DOCK1: variants seen among roughly 807,000 people sequenced by gnomAD.
DOCK1 encodes dedicator of cytokinesis protein 1.
In DOCK1, 138 loss-of-function variants were observed where a neutral mutation model predicts 262.7. The observed-to-expected ratio is 0.53, with a 90% CI of 0.46 to 0.61. The LOEUF (loss-of-function observed/expected upper bound fraction) is 0.61, where lower values mean the gene tolerates loss of function less well. Among genes scored for constraint, DOCK1 ranks in the 20% least tolerant of loss-of-function variants. The probability of loss-of-function intolerance (pLI) is 0.00; values close to 1 mark genes in which losing one functional copy is unlikely to be tolerated. For synonymous variants in DOCK1, 866 were observed against 867.4 expected (o/e 1.00, Z 0.03); for missense variants, 1,908 against 2,370.7 (o/e 0.80, Z 4.05).
rs551916740 is a variant in DOCK1, at chr10:127,451,607, G to A, written c.*180G>A. On this transcript the variant is annotated 3_prime_UTR_variant, in exon 52 of 52. Transcript: ENST00000623213. ...GGAGTGAGTGGCCTTTAGCGTCATG[G>A]AGCAAGGTGGGTCTGGGAGGTAGAT... 2 of 1,420,230 alleles carry A rather than the reference G, an allele frequency of 1.4e-6. No homozygotes were observed. Among genetic ancestry groups the A allele is most frequent in the South Asian group, 2.9e-5 (2 of 69,926 alleles). 88.0% of individuals were successfully genotyped at this position (1,420,230 alleles called of 1,614,324 possible).
chr10:127,267,702 C>G (rs1441067915), intron 29 of DOCK1, among the ~76,000 whole-genome samples: 1 of 152,204 alleles, frequency 6.6e-6, no homozygotes, highest in Non-Finnish European at 1.5e-5. Context: ...CTTCATGTTA[C>G]GAGGACCGAA....
At chr10:127,151,032 T>C (rs200010748) in intron 27 of DOCK1, among the ~76,000 whole-genome samples, 2 of 152,192 alleles carry the variant, frequency 1.3e-5, no homozygotes, top group Non-Finnish European at 2.9e-5. Context: ...TACGTGTCAA[T>C]TTTTTATGAT....
Position 127,439,183 on chromosome 10 carries a change from C to A in DOCK1, c.5217C>A (p.Asp1739Glu). 6.2e-7 allele frequency: 1 copy of A among 1,611,828 alleles called. No homozygotes were observed. Residue 1739 changes from aspartate to glutamate, a missense_variant, in exon 49 of 52, where the codon GAC (aspartate) becomes GAA (glutamate). This residue lies in a region of DOCK1 where 383 missense variants were observed against 420.1 expected (regional missense o/e 0.91). Transcript: ENST00000623213. ...EIFEKEFKPT[D>E]ISLQQSEAVI... is the part of the protein sequence containing the mutation. Reference sequence around the variant, plus strand: ...TTGAGAAAGAATTTAAACCCACCGACATTTCCCTGCAGCAGTCTGAGGCTG... The same window carrying A: ...TTGAGAAAGAATTTAAACCCACCGAAATTTCCCTGCAGCAGTCTGAGGCTG...
Position 127,430,313 on chromosome 10 carries a change from AC to A in DOCK1, c.4915-2967del, listed in dbSNP as rs373655314. ...AGTTCTCTTAACTGGGATCCATGAGACCCTGGGGTTCCTCAGAGGCTGTTGG... is the reference window on the plus strand; with the variant it reads ...AGTTCTCTTAACTGGGATCCATGAGACCTGGGGTTCCTCAGAGGCTGTTGG... On this transcript the variant is annotated intron_variant, in intron 47 of 51. Coordinates refer to ENST00000623213, the MANE Select transcript of DOCK1 (RefSeq NM_001290223.2). Among the ~76,000 whole-genome samples, 949 of 152,056 alleles carry A rather than the reference AC, an allele frequency of 6.2e-3. 9 individuals carry two copies. Among genetic ancestry groups the A allele is most frequent in the African/African-American group, 0.021 (883 of 41,462 alleles).
Position 127,444,178 on chromosome 10 carries a change from G to A in DOCK1, c.5312G>A (p.Gly1771Glu), listed in dbSNP as rs1457947484. 44 of 1,599,214 alleles carry A rather than the reference G, an allele frequency of 2.8e-5. No individual in the cohort carries two copies. Among genetic ancestry groups the A allele is most frequent in the Non-Finnish European group, 3.5e-5 (41 of 1,173,890 alleles). The change falls in exon 50 of 52, where the codon GGA (glycine) becomes GAA (glutamate). Residue 1771 changes from glycine (G) to glutamate (E), a missense_variant. Around this residue, in one of 9 missense-constraint regions of DOCK1, gnomAD observed 383 missense variants for 420.1 expected, o/e 0.91. Transcript: ENST00000623213. ...RPKSQVMNVIGSERRFSVSPS... is the reference protein window; with the variant it reads ...RPKSQVMNVIESERRFSVSPS... ...AAGAGCCAGGTGATGAACGTCATTG[G>A]AAGCGAAAGGCGCTTCTCGGTGTCC... is the stretch of plus-strand genomic sequence containing the variant.
At chr10:127,270,991 A>ATGTGTGTG (rs145447357) in intron 29 of DOCK1, among the ~76,000 whole-genome samples, 7 of 111,698 alleles carry the variant, frequency 6.3e-5, no homozygotes, top group East Asian at 5.1e-4. Context: ...AAAGTTATAT[A>ATGTGTGTG]TGTGTGTATG....
At chr10:126,961,414 G>A (rs1033525553) in intron 1 of DOCK1, among the ~76,000 whole-genome samples, 1 of 152,062 alleles carries the variant, frequency 6.6e-6, no homozygotes. Context: ...ATAGAGAAGC[G>A]CTGTCTCTAC....
intron 27 of DOCK1, chr10:127,136,947 GC>G (rs1351027471): frequency 6.6e-5 from 10 of 152,614 alleles, no homozygotes; most frequent in Admixed American, 6.5e-4. Flanking sequence ...GGCACAGAAT[GC>G]CTGTGATTTA....
rs566240366 is a variant in DOCK1, at chr10:127,444,208, C to T, written c.5342C>T (p.Ser1781Leu). The T allele has an allele frequency of 4.2e-5, 68 of 1,610,616 alleles. No homozygotes were observed. The highest frequency in any genetic ancestry group is 4.0e-4 in the East Asian group (18 of 44,680). The change falls in exon 50 of 52, where the codon TCG becomes TTG. Residue 1781 changes from serine (S) to leucine (L), a missense_variant. Ser to Leu is a moderately radical substitution (Grantham distance 145). This residue lies in a region of DOCK1 where 383 missense variants were observed against 420.1 expected (regional missense o/e 0.91). Transcript: ENST00000623213. ...GSERRFSVSPSSPSSQQTPPP... is the reference protein window; with the variant it reads ...GSERRFSVSPLSPSSQQTPPP... Reference sequence around the variant, plus strand: ...GAAAGGCGCTTCTCGGTGTCCCCCTCGTCACCGTCCTCCCAGCAAACACCC... The same window carrying T: ...GAAAGGCGCTTCTCGGTGTCCCCCTTGTCACCGTCCTCCCAGCAAACACCC...
At chr10:127,196,568 T>C (rs1003080881) in intron 27 of DOCK1, among the ~76,000 whole-genome samples, 1 of 132,678 alleles carries the variant, frequency 7.5e-6, no homozygotes, top group African/African-American at 2.8e-5. Flanking sequence ...TGCGCCCGGC[T>C]GGCACCGAGG....
chr10:127,234,553 G>A (rs1335941906), intron 27 of DOCK1, among the ~76,000 whole-genome samples: 2 of 152,044 alleles, frequency 1.3e-5, no homozygotes, highest in African/African-American at 2.4e-5. Context: ...GTCTAAGTGG[G>A]AAGGCTGATA....
chr10:127,161,793 G>A (rs566229313), intron 27 of DOCK1, among the ~76,000 whole-genome samples: 32 of 152,246 alleles, frequency 2.1e-4, no homozygotes, highest in South Asian at 1.5e-3. Context: ...TTCTTTGTTC[G>A]CCAGTCACAG....
At chr10:127,069,584 G>C (rs530915062) in intron 23 of DOCK1, among the ~76,000 whole-genome samples, 1 of 152,208 alleles carries the variant, frequency 6.6e-6, no homozygotes, top group Non-Finnish European at 1.5e-5. Flanking sequence ...CATGAGTCAG[G>C]AATCTATTTG....
chr10:127,262,030 ATGTGTGTG>A (rs779453508), intron 29 of DOCK1, among the ~76,000 whole-genome samples: 1 of 43,720 alleles, frequency 2.3e-5, no homozygotes, highest in Non-Finnish European at 4.6e-5. Flanking sequence ...ATGTGTGTGC[ATGTGTGTG>A]TGTGTGTGTA....
chr10:127,158,540 C>T (rs2133612476), intron 27 of DOCK1, among the ~76,000 whole-genome samples: 1 of 152,288 alleles, frequency 6.6e-6, no homozygotes, highest in South Asian at 2.1e-4. Flanking sequence ...GATACAATAC[C>T]TGGTACCTTC....
chr10:126,945,679 A>T lies in DOCK1; in HGVS notation c.47-25023A>T, dbSNP rs1591391619. Among the ~76,000 whole-genome samples, 4 of 152,314 alleles carry T rather than the reference A, an allele frequency of 2.6e-5. No individual in the cohort carries two copies. In the East Asian group the frequency reaches 7.7e-4, roughly 29 times the overall value. ...ATACTCTTTACCTGTGGACATGCTC[A>T]GCTGTGCATCTGGTTTTGCTGCCAC... On this transcript the variant is annotated intron_variant, in intron 1 of 51. Transcript: ENST00000623213.
chr10:127,007,982 T>TC (rs2041162245), intron 10 of DOCK1, among the ~76,000 whole-genome samples: 1 of 152,220 alleles, frequency 6.6e-6, no homozygotes, highest in African/African-American at 2.4e-5. Context: ...GTGTGAGGCT[T>TC]CAGAACAGTG....
chr10:127,206,934 A>G (rs569505252), intron 27 of DOCK1, among the ~76,000 whole-genome samples: 1 of 152,278 alleles, frequency 6.6e-6, no homozygotes, highest in East Asian at 1.9e-4. Context: ...TGTTTTTACC[A>G]TATCCAGCTC....
At chr10:126,971,435 C>A (rs2038102089) in intron 2 of DOCK1, among the ~76,000 whole-genome samples, 1 of 152,128 alleles carries the variant, frequency 6.6e-6, no homozygotes. Context: ...TGTTTTGAGA[C>A]AGGGTCTTGC....
Sources: allele counts gnomAD v4.1 joint callset (sites outside exome capture counted in the v4.1 genomes callset), GRCh38; gene constraint gnomAD v4.1.1; regional missense constraint gnomAD v4.1.1; transcripts MANE v1.5; gene names NCBI Gene and HGNC (gene_info 2026-07-23, HGNC 2026-07-21).